ATP10A: variants seen among roughly 807,000 people sequenced by gnomAD.
ATP10A encodes the protein phospholipid-transporting ATPase VA.
Under a neutral mutation model 147.8 loss-of-function variants are expected in ATP10A, and 111 were observed. The observed-to-expected ratio is 0.75, with a 90% CI of 0.64 to 0.88. The LOEUF is 0.88. Ranked by LOEUF, ATP10A falls within the 40% of genes least tolerant of loss-of-function variation. The pLI, the probability that ATP10A is intolerant of heterozygous loss-of-function variation, is 0.00. For synonymous variants in ATP10A, 875 were observed against 841.6 expected (o/e 1.04, Z -0.69); for missense variants, 1,927 against 1,959.0 (o/e 0.98, Z 0.31).
chr15:25,688,871 C>T (rs141858340), intron 15 of ATP10A, among the ~76,000 whole-genome samples: 11 of 152,294 alleles, frequency 7.2e-5, no homozygotes, highest in Non-Finnish European at 1.3e-4. Context: ...AAAGGTTTTT[C>T]GTGTTCTGTA....
At chr15:25,862,522 C>T in intron 1 of ATP10A, 126 bp downstream of exon 1, 1 of 1,155,402 alleles carries the variant, frequency 8.7e-7, no homozygotes, top group Non-Finnish European at 1.2e-6. Flanking sequence ...GCAGCCGGGC[C>T]CTCCACCCTG....
At chr15:25,784,812 T>C (rs1890080792) in intron 1 of ATP10A, among the ~76,000 whole-genome samples, 2 of 151,736 alleles carry the variant, frequency 1.3e-5, no homozygotes, top group South Asian at 4.2e-4. Flanking sequence ...ATCCCAGCTA[T>C]TCAGGAGGCT....
At chr15:25,730,827 C>T (rs1164182452) in intron 3 of ATP10A, among the ~76,000 whole-genome samples, 2 of 152,014 alleles carry the variant, frequency 1.3e-5, no homozygotes, top group Non-Finnish European at 2.9e-5. Context: ...TCATATCTAA[C>T]AAAAGTAAGT....
At chr15:25,713,597 G>C (rs564307524) in intron 10 of ATP10A, 77 bp downstream of exon 10, 4 of 1,370,904 alleles carry the variant, frequency 2.9e-6, no homozygotes, top group Non-Finnish European at 4.0e-6. Flanking sequence ...CTTTACTCAA[G>C]AGAAGGAATT....
chr15:25,708,178 C>T lies in ATP10A; in HGVS notation c.2448+19G>A, dbSNP rs567932912. ...GCGGCCACCTGCACGTGCACCCTCGCGGAGACACCCCCACTCACTCTCTTG... is the reference window on the plus strand; with the variant it reads ...GCGGCCACCTGCACGTGCACCCTCGTGGAGACACCCCCACTCACTCTCTTG... On this transcript the variant is annotated intron_variant, in intron 11 of 20. Coordinates refer to ENST00000555815, the MANE Select transcript of ATP10A (RefSeq NM_024490.4). 10 of 1,614,136 alleles carry T rather than the reference C, an allele frequency of 6.2e-6. No individual in the cohort carries two copies. The highest frequency in any genetic ancestry group is 1.6e-4 in the Middle Eastern group (1 of 6,062).
In ATP10A at chr15:25,716,734, G is replaced by A; in HGVS notation, c.1772C>T (p.Thr591Ile). ...VVVTSPDQPRTKVRVRFELKS... is the reference protein window; with the variant it reads ...VVVTSPDQPRIKVRVRFELKS... ...CAGGGACCCTCCAGAACTTGCCTTTGTTCGTGGCTGATCCGGGGACGTGAC... is the reference window on the plus strand; with the variant it reads ...CAGGGACCCTCCAGAACTTGCCTTTATTCGTGGCTGATCCGGGGACGTGAC... The change falls in exon 9 of 21, where the codon ACA becomes ATA. Residue 591 changes from threonine (T) to isoleucine (I), a missense_variant. Physicochemically the swap from Thr to Ile is moderately conservative, Grantham distance 89 (BLOSUM62 -1). Coordinates refer to ENST00000555815, the MANE Select transcript of ATP10A (RefSeq NM_024490.4). 2 of 1,581,504 alleles carry A rather than the reference G, an allele frequency of 1.3e-6. No homozygotes were observed. The highest frequency in any genetic ancestry group is 1.7e-6 in the Non-Finnish European group (2 of 1,162,530).
At chr15:25,704,112 A>AGACTG (rs953158115) in intron 12 of ATP10A, among the ~76,000 whole-genome samples, 2 of 152,214 alleles carry the variant, frequency 1.3e-5, no homozygotes, top group African/African-American at 4.8e-5. Flanking sequence ...GTAGGGGGGC[A>AGACTG]GACTGTGTGT....
chr15:25,807,717 G>C (rs573054297), intron 1 of ATP10A, among the ~76,000 whole-genome samples: 49 of 152,142 alleles, frequency 3.2e-4, no homozygotes, highest in African/African-American at 1.2e-3. Context: ...CAGGAGAATT[G>C]CTTGAATCTG....
At chr15:25,684,509 G>C (rs1197261929) in intron 16 of ATP10A, among the ~76,000 whole-genome samples, 1 of 152,220 alleles carries the variant, frequency 6.6e-6, no homozygotes, top group African/African-American at 2.4e-5. Context: ...ATGGTGGTGA[G>C]TGGTATCGTT....
At chr15:25,800,504 G>A (rs148619436) in intron 1 of ATP10A, among the ~76,000 whole-genome samples, 2,035 of 152,308 alleles carry the variant, frequency 0.013, 32 homozygotes, top group Non-Finnish European at 0.017. Flanking sequence ...AGCGGTTGCA[G>A]CTGGGAGCTG....
At chr15:25,712,928 C>T (rs1393317027) in intron 10 of ATP10A, among the ~76,000 whole-genome samples, 1 of 152,182 alleles carries the variant, frequency 6.6e-6, no homozygotes, top group Non-Finnish European at 1.5e-5. Context: ...GAGATGCTGG[C>T]AAGAAAGGCC....
intron 14 of ATP10A, among the ~76,000 whole-genome samples, chr15:25,694,427 G>T (rs1340466702): frequency 6.6e-6 from 1 of 152,228 alleles, no homozygotes; most frequent in African/African-American, 2.4e-5. Context: ...GAGGCTCATG[G>T]TGACCAGAAG....
At position 25,683,335 on chromosome 15, in the gene ATP10A, T is replaced by C; in HGVS notation, c.3443A>G (p.Asn1148Ser). ...GAGCTGCGGGTTGGTCAGCAGCACA[T>C]TGGCTGGCACATCCCTGTCCAGCAC... ...TGVLDRDVPA[N>S]VLLTNPQLYK... Residue 1148 changes from asparagine to serine, a missense_variant, in exon 17 of 21, where the codon AAT becomes AGT. By Grantham distance (46) the Asn-to-Ser change is conservative. Transcript: ENST00000555815. 1.9e-6 allele frequency: 3 copies of C among 1,614,094 alleles called. No homozygotes were observed. Among genetic ancestry groups the C allele is most frequent in the African/African-American group, 1.3e-5 (1 of 75,020 alleles).
downstream of ATP10A, among the ~76,000 whole-genome samples, chr15:25,675,102 G>A (rs1046106275): frequency 6.6e-5 from 10 of 152,334 alleles, no homozygotes; most frequent in Non-Finnish European, 1.2e-4. Flanking sequence ...TTTGGAAGCC[G>A]CGGATGGTCT....
intron 5 of ATP10A, among the ~76,000 whole-genome samples, chr15:25,725,677 C>T (rs1902499232): frequency 6.6e-6 from 1 of 151,974 alleles, no homozygotes; most frequent in Admixed American, 6.5e-5. Context: ...CTCTCTCACC[C>T]AGGCTGGAGT....
chr15:25,690,689 G>C (rs1416789870), intron 15 of ATP10A, among the ~76,000 whole-genome samples: 1 of 152,156 alleles, frequency 6.6e-6, no homozygotes, highest in Non-Finnish European at 1.5e-5. Flanking sequence ...GTTGTTCAAG[G>C]GTCCACTGTA....
chr15:25,696,126 G>T (rs191618384), intron 13 of ATP10A, among the ~76,000 whole-genome samples: 37 of 152,326 alleles, frequency 2.4e-4, no homozygotes, highest in Non-Finnish European at 4.9e-4. Context: ...TCCGCAGACC[G>T]TGAGTCTGCT....
intron 13 of ATP10A, among the ~76,000 whole-genome samples, chr15:25,698,439 T>G (rs2140333926): frequency 6.6e-6 from 1 of 152,344 alleles, no homozygotes; most frequent in African/African-American, 2.4e-5. Context: ...AACATTTTCT[T>G]TTCTCTAGCT....
intron 10 of ATP10A, chr15:25,710,421 C>G (rs1901337790): frequency 6.6e-6 from 1 of 152,192 alleles, no homozygotes; most frequent in African/African-American, 2.4e-5. Flanking sequence ...TGCCCACTGA[C>G]CCCAGACACA....
Sources: allele counts gnomAD v4.1 joint callset (sites outside exome capture counted in the v4.1 genomes callset), GRCh38; gene constraint gnomAD v4.1.1; transcripts MANE v1.5; gene names NCBI Gene and HGNC (gene_info 2026-07-23, HGNC 2026-07-21).